MEX3D: variants seen among roughly 807,000 people sequenced by gnomAD.
MEX3D encodes mex-3 RNA binding family member D.
In MEX3D, 4 loss-of-function variants were observed where a neutral mutation model predicts 6.3. The observed-to-expected ratio is 0.64, with a 90% CI of 0.31 to 1.46. The LOEUF (loss-of-function observed/expected upper bound fraction) is 1.46, where lower values mean the gene tolerates loss of function less well. MEX3D is among the 40% of genes most tolerant of loss of function. MEX3D has a pLI of 0.07. For synonymous variants in MEX3D, 626 were observed against 494.1 expected (o/e 1.27, Z -3.54); for missense variants, 1,038 against 994.4 (o/e 1.04, Z -0.59).
chr19:1,556,972 A>G lies in MEX3D; in HGVS notation c.596-49T>C, dbSNP rs374374164. On this transcript the variant is annotated intron_variant, in intron 1 of 1. Coordinates refer to ENST00000402693, the MANE Select transcript of MEX3D (RefSeq NM_203304.4). The surrounding 1 kb of genome is among the most constrained non-coding windows in gnomAD (Gnocchi z 7.5). ...CAAGGTGACCCAGAGCCCCCTGCGCAGCTCAGCCCCGCTGGGCATGCAGGC... is the reference window on the plus strand; with the variant it reads ...CAAGGTGACCCAGAGCCCCCTGCGCGGCTCAGCCCCGCTGGGCATGCAGGC... 1,332 of 1,534,240 alleles carry G rather than the reference A, an allele frequency of 8.7e-4. No homozygotes were observed. The highest frequency in any genetic ancestry group is 1.1e-3 in the Non-Finnish European group (1,294 of 1,146,870).
intron 1 of MEX3D, among the ~76,000 whole-genome samples, chr19:1,564,420 A>C (rs1287100858): frequency 2.6e-5 from 4 of 151,642 alleles, no homozygotes; most frequent in Non-Finnish European, 5.9e-5. Flanking sequence ...GTAATCCCAC[A>C]TACTAGGGGG....
chr19:1,565,954 AC>A (rs1914828432), intron 1 of MEX3D, among the ~76,000 whole-genome samples: 1 of 152,242 alleles, frequency 6.6e-6, no homozygotes, highest in African/African-American at 2.4e-5. Flanking sequence ...CACAAAGAAC[AC>A]AGCCACAGCC....
At position 1,555,833 on chromosome 19, in the gene MEX3D, G is replaced by A. The variant is rs1286662917; in HGVS notation, c.1686C>T (p.Thr562=). The change falls in exon 2 of 2, where the codon ACC becomes ACT. Residue 562 remains threonine (T), a synonymous_variant. Transcript: ENST00000402693. Reference sequence around the variant, plus strand: ...CGGCCGCGGGGCTGCTGGGCAGCGAGGTGGCCGTGGAGAAGGCGGCGCCGC... The same window carrying A: ...CGGCCGCGGGGCTGCTGGGCAGCGAAGTGGCCGTGGAGAAGGCGGCGCCGC... ...FPGGAAFSTA[T]SLPSSPAAAA... is the part of the protein sequence containing the mutation. 26 of 1,351,236 alleles carry A rather than the reference G, an allele frequency of 1.9e-5. No homozygotes were observed. Among genetic ancestry groups the A allele is most frequent in the African/African-American group, 6.2e-5 (4 of 64,164 alleles). 83.7% of individuals were successfully genotyped at this position (1,351,236 alleles called of 1,614,324 possible).
rs1044286303 is a variant in MEX3D at position 1,567,110 on chromosome 19, C to T, written c.595+354G>A. On this transcript the variant is annotated intron_variant, in intron 1 of 1. Transcript: ENST00000402693. The surrounding 1 kb of genome is among the most constrained non-coding windows in gnomAD (Gnocchi z 6.5). The stretch of plus-strand genomic sequence containing the variant: ...CCGCCTGTGCTGGGTGTGGGGCGCC[C>T]CCCGCCCGGCCGGAGCCCCGGGCCC... 2.6e-5 allele frequency among the ~76,000 whole-genome samples: 4 copies of T among 152,074 alleles called. No individual in the cohort carries two copies. Among genetic ancestry groups the T allele is most frequent in the African/African-American group, 9.7e-5 (4 of 41,444 alleles).
intron 1 of MEX3D, 89 bp from the exon 2 acceptor site, chr19:1,557,012 G>A (rs1914590783): frequency 1.4e-6 from 2 of 1,459,806 alleles, no homozygotes; most frequent in Admixed American, 2.2e-5. Context: ...GGGCCAGTGA[G>A]GGAGCCCCTA....
At chr19:1,565,718 C>T (rs896762349) in intron 1 of MEX3D, among the ~76,000 whole-genome samples, 3 of 152,196 alleles carry the variant, frequency 2.0e-5, no homozygotes, top group Admixed American at 1.3e-4. Flanking sequence ...GCCTGCCTTG[C>T]TGACGGCCAC....
At position 1,555,114 on chromosome 19, in the gene MEX3D, C is replaced by A. The variant is rs908669098; in HGVS notation, c.*449G>T. On this transcript the variant is annotated 3_prime_UTR_variant, in exon 2 of 2. Coordinates refer to ENST00000402693, the MANE Select transcript of MEX3D (RefSeq NM_203304.4). The stretch of plus-strand genomic sequence containing the variant: ...AAGGGAGTAAAAATGTCACCCTCCT[C>A]CTCTGGAACGTCTGTGCGGCCTGAG... 1.6e-5 allele frequency: 5 copies of A among 315,992 alleles called. No individual in the cohort carries two copies. The highest frequency in any genetic ancestry group is 2.4e-5 in the Non-Finnish European group (4 of 166,184). 19.6% of individuals were successfully genotyped at this position (315,992 alleles called of 1,614,324 possible).
chr19:1,556,691 G>A lies in MEX3D; in HGVS notation c.828C>T (p.Ile276=), dbSNP rs554759265. Residue 276 remains isoleucine (I), a synonymous_variant, in exon 2 of 2, where the codon ATC becomes ATT. Coordinates refer to ENST00000402693, the MANE Select transcript of MEX3D (RefSeq NM_203304.4). The surrounding 1 kb of genome is among the most constrained non-coding windows in gnomAD (Gnocchi z 7.5). The part of the protein sequence containing the change: ...GPPNLPGQTT[I]QVRVPYRVVG... ...CCACCCGGTAGGGCACGCGCACCTG[G>A]ATGGTGGTCTGTCCGGGAAGGTTGG... 4 of 1,610,938 alleles carry A rather than the reference G, an allele frequency of 2.5e-6. No homozygotes were observed. The highest frequency in any genetic ancestry group is 1.7e-4 in the Middle Eastern group (1 of 6,056).
At position 1,567,521 on chromosome 19, in the gene MEX3D, T is replaced by C; in HGVS notation, c.538A>G (p.Thr180Ala). ...GAGCTGGGCACCGGGACGCACTCGG[T>C]CATGTTGACGCTTTTCTTGCGGCTG... is the stretch of plus-strand genomic sequence containing the variant. The part of the protein sequence containing the change: ...IGSRKKSVNM[T>A]ECVPVPSSEH... The change falls in exon 1 of 2, where the codon ACC becomes GCC. Residue 180 changes from threonine to alanine, a missense_variant. Physicochemically the swap from Thr to Ala is moderately conservative, Grantham distance 58. Around this residue, in one of 5 missense-constraint regions of MEX3D, gnomAD observed 75 missense variants for 125.1 expected, o/e 0.60. Coordinates refer to ENST00000402693, the MANE Select transcript of MEX3D (RefSeq NM_203304.4). The surrounding 1 kb of genome is among the most constrained non-coding windows in gnomAD (Gnocchi z 6.5). 1 of 1,569,212 alleles carries C rather than the reference T, an allele frequency of 6.4e-7. No homozygotes were observed. Among genetic ancestry groups the C allele is most frequent in the Non-Finnish European group, 8.6e-7 (1 of 1,159,292 alleles).
Position 1,567,975 on chromosome 19 carries a change from G to T in MEX3D, c.84C>A (p.Pro28=). Residue 28 remains proline (P), a synonymous_variant, in exon 1 of 2, where the codon CCC becomes CCA. Coordinates refer to ENST00000402693, the MANE Select transcript of MEX3D (RefSeq NM_203304.4). The surrounding 1 kb of genome is among the most constrained non-coding windows in gnomAD (Gnocchi z 6.5). The part of the protein sequence containing the change: ...GGGVGAAGED[P]GPGPAPPPEG... ...CGGGCGGGGGCGCAGGTCCGGGTCC[G>T]GGGTCCTCCCCCGCCGCCCCCACGC... 1 of 978,352 alleles carries T rather than the reference G, an allele frequency of 1.0e-6. No individual in the cohort carries two copies. The highest frequency in any genetic ancestry group is 4.5e-5 in the South Asian group (1 of 22,004). The allele number at this position is 978,352 out of a possible 1,614,324, so 60.6% of individuals were successfully genotyped here.
At chr19:1,562,760 A>T (rs1174053069) in intron 1 of MEX3D, among the ~76,000 whole-genome samples, 1 of 152,120 alleles carries the variant, frequency 6.6e-6, no homozygotes, top group Non-Finnish European at 1.5e-5. Context: ...CACACCTGTA[A>T]TCCCAGCACT....
intron 1 of MEX3D, among the ~76,000 whole-genome samples, chr19:1,563,455 G>A (rs1914768264): frequency 1.3e-5 from 2 of 152,204 alleles, no homozygotes; most frequent in Non-Finnish European, 2.9e-5. Flanking sequence ...CACCTTCTGT[G>A]TACAGGCCCT....
Position 1,568,101 on chromosome 19 carries a change from C to A in MEX3D, c.-43G>T. 1 of 978,820 alleles carries A rather than the reference C, an allele frequency of 1.0e-6. No individual in the cohort carries two copies. The highest frequency in any genetic ancestry group is 1.2e-6 in the Non-Finnish European group (1 of 827,806). The allele number at this position is 978,820 out of a possible 1,614,324, so 60.6% of individuals were successfully genotyped here. ...GGGCCCGCGCTCCTGCCGCCCGCGCCGCCGCCGCCGCCCGCGCCGCCCTCC... is the reference window on the plus strand; with the variant it reads ...GGGCCCGCGCTCCTGCCGCCCGCGCAGCCGCCGCCGCCCGCGCCGCCCTCC... On this transcript the variant is annotated 5_prime_UTR_variant, in exon 1 of 2. Transcript: ENST00000402693.
rs557176042 is a variant in MEX3D at position 1,567,629 on chromosome 19, G to A, written c.430C>T (p.Pro144Ser). 607 of 1,286,612 alleles carry A rather than the reference G, an allele frequency of 4.7e-4. 2 individuals carry two copies. In the African/African-American group the frequency reaches 8.3e-3, roughly 18 times the overall value. The allele number at this position is 1,286,612 out of a possible 1,614,324, so 79.7% of individuals were successfully genotyped here. ...PPPPPPRPSP[P>S]DVFAGFAPHP... Reference sequence around the variant, plus strand: ...GGCGCGAAGCCCGCGAACACGTCGGGGGGCGACGGCCGGGGCGGCGGCGGC... The same window carrying A: ...GGCGCGAAGCCCGCGAACACGTCGGAGGGCGACGGCCGGGGCGGCGGCGGC... Residue 144 changes from proline to serine, a missense_variant, in exon 1 of 2, where the codon CCC becomes TCC. Pro to Ser is a moderately conservative substitution (Grantham distance 74). This residue lies in a region of MEX3D where 265 missense variants were observed against 206.3 expected (regional missense o/e 1.28). Transcript: ENST00000402693. The surrounding 1 kb of genome is among the most constrained non-coding windows in gnomAD (Gnocchi z 6.5).
chr19:1,555,222 T>A lies in MEX3D; in HGVS notation c.*341A>T. Reference sequence around the variant, plus strand: ...TGAGCGCTGGAAAAGTCGTGTTTTTTGTTTTGCTTTTTTAAAGATCACCCT... The same window carrying A: ...TGAGCGCTGGAAAAGTCGTGTTTTTAGTTTTGCTTTTTTAAAGATCACCCT... On this transcript the variant is annotated 3_prime_UTR_variant, in exon 2 of 2. Coordinates refer to ENST00000402693, the MANE Select transcript of MEX3D (RefSeq NM_203304.4). 1 of 1,159,296 alleles carries A rather than the reference T, an allele frequency of 8.6e-7. No homozygotes were observed. The highest frequency in any genetic ancestry group is 1.5e-5 in the South Asian group (1 of 67,054). The allele number at this position is 1,159,296 out of a possible 1,614,324, so 71.8% of individuals were successfully genotyped here.
At chr19:1,558,980 G>GTT (rs113227025) in intron 1 of MEX3D, among the ~76,000 whole-genome samples, 1 of 144,130 alleles carries the variant, frequency 6.9e-6, no homozygotes, top group Non-Finnish European at 1.5e-5. Context: ...GGCCTTAATG[G>GTT]TTTTTTTTTT....
Position 1,556,668 on chromosome 19 carries a change from A to G in MEX3D, c.851T>C (p.Val284Ala). 6.2e-7 allele frequency: 1 copy of G among 1,610,544 alleles called. No individual in the cohort carries two copies. The highest frequency in any genetic ancestry group is 8.5e-7 in the Non-Finnish European group (1 of 1,178,930). Residue 284 changes from valine (V) to alanine (A), a missense_variant, in exon 2 of 2, where the codon GTG becomes GCG. This residue lies in a region of MEX3D where 65 missense variants were observed against 109.3 expected (regional missense o/e 0.59). Transcript: ENST00000402693. The surrounding 1 kb of genome is among the most constrained non-coding windows in gnomAD (Gnocchi z 7.5). ...TTIQVRVPYR[V>A]VGLVVGPKGA... is the part of the protein sequence containing the mutation. ...CTTGGGCCCCACCACCAGCCCCACC[A>G]CCCGGTAGGGCACGCGCACCTGGAT...
chr19:1,555,442 TGCCCCCTCGGCCTCCGCCCCTC>T lies in MEX3D; in HGVS notation c.*99_*120del, dbSNP rs1237166083. On this transcript the variant is annotated 3_prime_UTR_variant, in exon 2 of 2. Transcript: ENST00000402693. The stretch of plus-strand genomic sequence containing the variant: ...AAACACTGGCCGCCGCCCACCCCCC[TGCCCCCTCGGCCTCCGCCCCTC>T]GCCCCCTCCCCGTCCCTCTCCCACC... 15 of 373,198 alleles carry T rather than the reference TGCCCCCTCGGCCTCCGCCCCTC, an allele frequency of 4.0e-5. No homozygotes were observed. The highest frequency in any genetic ancestry group is 8.5e-4 in the Middle Eastern group (1 of 1,174). 23.1% of individuals were successfully genotyped at this position (373,198 alleles called of 1,614,324 possible).
intron 1 of MEX3D, among the ~76,000 whole-genome samples, chr19:1,560,659 C>T (rs902982632): frequency 5.3e-5 from 8 of 152,178 alleles, no homozygotes; most frequent in Admixed American, 5.2e-4. Flanking sequence ...CTGGGAGCCA[C>T]GCGTGCGTCG....
Sources: gnomAD v4.1 joint callset for allele counts (sites outside exome capture counted in the v4.1 genomes callset) on GRCh38, gnomAD v4.1.1 for gene constraint, gnomAD v4.1.1 regional missense constraint, Gnocchi (gnomAD v3.1) non-coding constraint, MANE v1.5 for transcripts, NCBI Gene and HGNC (gene_info 2026-07-23, HGNC 2026-07-21) for gene names.